Variants in MYO16 observed in about 807,000 individuals in gnomAD.
The protein encoded by MYO16 is unconventional myosin-XVI.
Under a neutral mutation model 205.3 loss-of-function variants are expected in MYO16, and 94 were observed. The ratio of observed to expected loss-of-function variants is 0.46; its 90% confidence interval spans 0.39 to 0.54. The LOEUF is 0.54. MYO16 is among the 20% of genes least tolerant of loss of function. The probability of loss-of-function intolerance (pLI) is 0.00; values close to 1 mark genes in which losing one functional copy is unlikely to be tolerated. For synonymous variants in MYO16, 988 were observed against 954.0 expected (o/e 1.04, Z -0.66); for missense variants, 2,315 against 2,387.5 (o/e 0.97, Z 0.63).
the MYO16 span, among the ~76,000 whole-genome samples, chr13:108,556,159 G>T: frequency 6.6e-6 from 1 of 151,880 alleles, no homozygotes; most frequent in Admixed American, 6.6e-5. Context: ...TATATATCTG[G>T]TAGTAAGACT....
chr13:108,577,871 G>A, the MYO16 span, among the ~76,000 whole-genome samples: 1 of 152,048 alleles, frequency 6.6e-6, no homozygotes, highest in Non-Finnish European at 1.5e-5. Flanking sequence ...ACCCCACCCC[G>A]ATATCTCCTC....
chr13:109,206,555 C>T, intron 34 of MYO16, 54 bp from the exon 35 acceptor site: 2 of 1,335,174 alleles, frequency 1.5e-6, no homozygotes, highest in East Asian at 2.3e-5. Context: ...ACACTTCATA[C>T]TCATTCACAA....
At chr13:109,050,408 C>G (rs192696944) in intron 24 of MYO16, among the ~76,000 whole-genome samples, 1 of 152,018 alleles carries the variant, frequency 6.6e-6, no homozygotes, top group Admixed American at 6.6e-5. Context: ...ACATCACATT[C>G]GGAGGCAGTC....
At chr13:108,801,367 T>C (rs1342612775) in intron 6 of MYO16, among the ~76,000 whole-genome samples, 1 of 152,210 alleles carries the variant, frequency 6.6e-6, no homozygotes, top group Non-Finnish European at 1.5e-5. Flanking sequence ...TGTAGGTGAA[T>C]TGGTACATTC....
chr13:108,581,147 T>C, the MYO16 span, among the ~76,000 whole-genome samples: 2 of 151,852 alleles, frequency 1.3e-5, no homozygotes, highest in Non-Finnish European at 2.9e-5. Context: ...GATATTATTT[T>C]TGAGTACCCA....
intron 4 of MYO16, 124 bp from the exon 5 acceptor site, chr13:108,785,511 T>G: frequency 2.0e-6 from 1 of 495,998 alleles, no homozygotes; most frequent in Non-Finnish European, 3.5e-6. Flanking sequence ...ACCCGATTCT[T>G]CAGGGTGATA....
the MYO16 span, among the ~76,000 whole-genome samples, chr13:108,525,163 G>T: frequency 6.6e-6 from 1 of 152,074 alleles, no homozygotes; most frequent in African/African-American, 2.4e-5. Context: ...ACGAGATAAC[G>T]TGTGATGAGT....
intron 1 of MYO16, among the ~76,000 whole-genome samples, chr13:108,611,972 CTTTTTTTTTT>C (rs201871787): frequency 3.2e-4 from 29 of 89,778 alleles, no homozygotes; most frequent in East Asian, 3.2e-3. Flanking sequence ...TTTTTTTTTT[CTTTTTTTTTT>C]TTTTTTTTTT....
At chr13:108,650,083 T>C (rs1373304855) in intron 1 of MYO16, among the ~76,000 whole-genome samples, 1 of 152,120 alleles carries the variant, frequency 6.6e-6, no homozygotes, top group Non-Finnish European at 1.5e-5. Flanking sequence ...CTTTTAGTAC[T>C]GAAAATGTTT....
intron 16 of MYO16, 100 bp downstream of exon 16, chr13:108,910,250 G>C (rs1881192848): frequency 7.8e-7 from 1 of 1,287,818 alleles, no homozygotes; most frequent in African/African-American, 1.5e-5. Context: ...AGACAAAATG[G>C]TGAGTAAAAG....
intron 7 of MYO16, among the ~76,000 whole-genome samples, chr13:108,817,799 C>A (rs1037720682): frequency 6.6e-6 from 1 of 152,134 alleles, no homozygotes; most frequent in Non-Finnish European, 1.5e-5. Flanking sequence ...GTACCACCAA[C>A]GTTTATCAAT....
At chr13:108,857,244 T>A (rs1357279513) in intron 11 of MYO16, among the ~76,000 whole-genome samples, 1 of 152,214 alleles carries the variant, frequency 6.6e-6, no homozygotes, top group African/African-American at 2.4e-5. Flanking sequence ...TTTAGAGAAT[T>A]TATCACAGTT....
At chr13:108,957,391 A>AAC (rs1410583637) in intron 16 of MYO16, among the ~76,000 whole-genome samples, 1 of 151,368 alleles carries the variant, frequency 6.6e-6, no homozygotes, top group Non-Finnish European at 1.5e-5. Flanking sequence ...CTCAAAAAAA[A>AAC]AAAAAAAAAA....
intron 29 of MYO16, among the ~76,000 whole-genome samples, chr13:109,124,368 T>C (rs1391478834): frequency 6.6e-6 from 1 of 152,202 alleles, no homozygotes; most frequent in African/African-American, 2.4e-5. Context: ...GGAACTTTCT[T>C]AGTTTTACTA....
At chr13:108,516,101 C>T in the MYO16 span, among the ~76,000 whole-genome samples, 2 of 150,568 alleles carry the variant, frequency 1.3e-5, no homozygotes, top group African/African-American at 4.9e-5. Flanking sequence ...AGTTTGATCT[C>T]AGACTGCTGT....
intron 1 of MYO16, among the ~76,000 whole-genome samples, chr13:108,658,008 A>G (rs1209585467): frequency 6.6e-6 from 1 of 152,156 alleles, no homozygotes; most frequent in African/African-American, 2.4e-5. Context: ...GGCTATTTGC[A>G]TGTGTTTATA....
chr13:108,580,825 G>C, the MYO16 span, among the ~76,000 whole-genome samples: 1 of 152,292 alleles, frequency 6.6e-6, no homozygotes, highest in South Asian at 2.1e-4. Context: ...ATAGAAGTCA[G>C]TTGAAAACTT....
At chr13:109,131,018 T>C (rs1343887087) in intron 31 of MYO16, among the ~76,000 whole-genome samples, 1 of 152,158 alleles carries the variant, frequency 6.6e-6, no homozygotes, top group Admixed American at 6.5e-5. Context: ...CAAGCGGTGA[T>C]ACTGAATTTT....
chr13:108,602,299 C>A (rs1878795443), intron 1 of MYO16, among the ~76,000 whole-genome samples: 1 of 152,054 alleles, frequency 6.6e-6, no homozygotes, highest in Non-Finnish European at 1.5e-5. Context: ...TACAGCATTT[C>A]ATCAGTTTTT....
Sources: gnomAD v4.1 joint callset for allele counts (sites outside exome capture counted in the v4.1 genomes callset) on GRCh38, gnomAD v4.1.1 for gene constraint, MANE v1.5 for transcripts, NCBI Gene and HGNC (gene_info 2026-07-23, HGNC 2026-07-21) for gene names.